MAT1A: variants seen among roughly 807,000 people sequenced by gnomAD.
MAT1A encodes the protein methionine adenosyltransferase 1A, also known as S-adenosylmethionine synthase isoform type-1.
In MAT1A, 19 loss-of-function variants were observed where a neutral mutation model predicts 44.0. The observed-to-expected ratio is 0.43, with a 90% CI of 0.30 to 0.63. The LOEUF is 0.63. Ranked by LOEUF, MAT1A falls within the 30% of genes least tolerant of loss-of-function variation. The pLI, the probability that MAT1A is intolerant of heterozygous loss-of-function variation, is 0.12. For synonymous variants in MAT1A, 205 were observed against 205.6 expected, an observed-to-expected ratio of 1.00 and a Z score of 0.03; for missense variants, 397 against 531.0, an observed-to-expected ratio of 0.75 and a Z score of 2.48.
intron 1 of MAT1A, 37 bp downstream of exon 1, chr10:80,289,296 T>C (rs1244872603): frequency 9.1e-6 from 14 of 1,545,854 alleles, no homozygotes; most frequent in Non-Finnish European, 1.3e-5. Context: ...AGGCTTGGAA[T>C]GATCGTTTTC....
At chr10:80,280,589 C>T (rs969356124) in intron 4 of MAT1A, 91 bp downstream of exon 4, 27 of 1,212,090 alleles carry the variant, frequency 2.2e-5, no homozygotes, top group East Asian at 9.3e-5. Flanking sequence ...CGTGCTAGGA[C>T]AAGAATCCAC....
rs979972755 is a variant in MAT1A, at chr10:80,273,419, C to T, written c.*362G>A. 9 of 339,726 alleles carry T rather than the reference C, an allele frequency of 2.6e-5. No individual in the cohort carries two copies. The highest frequency in any genetic ancestry group is 1.9e-4 in the African/African-American group (9 of 46,604). The allele number at this position is 339,726 out of a possible 1,614,324, so 21.0% of individuals were successfully genotyped here. ...CCTGAGGCCTGTTGAGATGTGCTGA[C>T]CTCACCTGGCACAGGCAAGGGGAGG... is the stretch of plus-strand genomic sequence containing the variant. On this transcript the variant is annotated 3_prime_UTR_variant, in exon 9 of 9. Coordinates refer to ENST00000372213, the MANE Select transcript of MAT1A (RefSeq NM_000429.3).
At chr10:80,287,709 C>G (rs1342202193) in intron 1 of MAT1A, among the ~76,000 whole-genome samples, 1 of 152,182 alleles carries the variant, frequency 6.6e-6, no homozygotes, top group Admixed American at 6.5e-5. Flanking sequence ...TGGAGCTGAT[C>G]AGAATGTGTC....
In MAT1A at chr10:80,273,614, T is replaced by C; in HGVS notation, c.*167A>G. The C allele has an allele frequency of 1.5e-6, 1 of 677,564 alleles. No individual in the cohort carries two copies. Among genetic ancestry groups the C allele is most frequent in the South Asian group, 1.7e-5 (1 of 60,598 alleles). 42.0% of individuals were successfully genotyped at this position (677,564 alleles called of 1,614,324 possible). A position where few individuals can be genotyped will look rare whatever the true frequency, so the allele number is the denominator to read the frequency against. ...CCAACCTCCAGCACCAGGAAGCCCC[T>C]GCCTCCAGCTGGCCATGATGATGAC... On this transcript the variant is annotated 3_prime_UTR_variant, in exon 9 of 9. Transcript: ENST00000372213.
intron 4 of MAT1A, among the ~76,000 whole-genome samples, 174 bp from the exon 5 acceptor site, chr10:80,280,490 G>T (rs936451825): frequency 6.6e-6 from 1 of 152,158 alleles, no homozygotes; most frequent in African/African-American, 2.4e-5. Context: ...CACTCTAGGA[G>T]GGGGAGACAA....
intron 5 of MAT1A, 42 bp downstream of exon 5, chr10:80,280,131 A>T (rs1027111696): frequency 6.2e-7 from 1 of 1,610,720 alleles, no homozygotes; most frequent in Admixed American, 1.7e-5. Context: ...GGGGTATTAA[A>T]GCTTCTGTCT....
chr10:80,279,330 G>C (rs75478799), intron 5 of MAT1A, among the ~76,000 whole-genome samples: 1 of 152,074 alleles, frequency 6.6e-6, no homozygotes, highest in Non-Finnish European at 1.5e-5. Context: ...TGAACAGGAC[G>C]GGGGAAGGGC....
At chr10:80,276,621 A>G in intron 5 of MAT1A, 27 bp from the exon 6 acceptor site, 4 of 1,602,316 alleles carry the variant, frequency 2.5e-6, no homozygotes, top group Non-Finnish European at 2.5e-6. Context: ...TGGGGGAGAT[A>G]CTGTGAGGCT....
Position 80,280,834 on chromosome 10 carries a change from A to G in MAT1A, c.293-42T>C, listed in dbSNP as rs1182217136. The G allele has an allele frequency of 2.1e-6, 3 of 1,449,570 alleles. No homozygotes were observed. In the Admixed American group the frequency reaches 5.0e-5, roughly 24 times the overall value. The allele number at this position is 1,449,570 out of a possible 1,614,324, so 89.8% of individuals were successfully genotyped here. A position where few individuals can be genotyped will look rare whatever the true frequency, so the allele number is the denominator to read the frequency against. On this transcript the variant is annotated intron_variant, in intron 3 of 8. Transcript: ENST00000372213. The stretch of plus-strand genomic sequence containing the variant: ...TGAGCCTAAGTGGGGAACAGGTCAG[A>G]AGGAGGGGGCCACAAACTTCCCAAT...
At position 80,280,137 on chromosome 10, in the gene MAT1A, T is replaced by C. The variant is rs777896764; in HGVS notation, c.549+36A>G. ...GAGGATTTGGGGGTATTAAAGCTTC[T>C]GTCTAGGGCTCTCCTGGGGTAATTC... On this transcript the variant is annotated intron_variant, in intron 5 of 8. Transcript: ENST00000372213. 7.4e-6 allele frequency: 12 copies of C among 1,611,452 alleles called. No homozygotes were observed. In the Middle Eastern group the frequency reaches 4.9e-4, roughly 66 times the overall value.
chr10:80,288,505 A>C (rs117973859), intron 1 of MAT1A, among the ~76,000 whole-genome samples: 5 of 152,302 alleles, frequency 3.3e-5, no homozygotes, highest in Non-Finnish European at 7.4e-5. Flanking sequence ...TCATCAAGGA[A>C]GCTTCTCTCA....
chr10:80,286,562 G>T (rs1307901135), intron 1 of MAT1A, among the ~76,000 whole-genome samples: 2 of 152,168 alleles, frequency 1.3e-5, no homozygotes, highest in Non-Finnish European at 2.9e-5. Flanking sequence ...ACTGACAAGG[G>T]TTCAACATGA....
At chr10:80,277,474 T>C (rs757783784) in intron 5 of MAT1A, among the ~76,000 whole-genome samples, 1 of 152,222 alleles carries the variant, frequency 6.6e-6, no homozygotes, top group Non-Finnish European at 1.5e-5. Context: ...GAAAGAGTCC[T>C]GGCCATGTAA....
At chr10:80,274,082 G>C (rs1056735274) in intron 8 of MAT1A, among the ~76,000 whole-genome samples, 199 bp from the exon 9 acceptor site, 8 of 152,202 alleles carry the variant, frequency 5.3e-5, no homozygotes, top group Non-Finnish European at 1.2e-4. Context: ...CGGATGCTTA[G>C]AGGTTCAGGG....
chr10:80,285,113 T>C lies in MAT1A; in HGVS notation c.169+399A>G, dbSNP rs185284088. ...GTGCAGCCAACAAAGGCTCCTACAA[T>C]GAGGATGCAGCTTATAACCATCTAG... On this transcript the variant is annotated intron_variant, in intron 2 of 8. Coordinates refer to ENST00000372213, the MANE Select transcript of MAT1A (RefSeq NM_000429.3). Among the ~76,000 whole-genome samples the C allele has an allele frequency of 3.3e-3, 499 of 152,288 alleles. 3 individuals carry two copies. The highest frequency in any genetic ancestry group is 0.011 in the African/African-American group (476 of 41,542).
rs1456459077 is a variant in MAT1A at position 80,274,578 on chromosome 10, G to T, written c.1027C>A (p.Arg343=). ...FTYGTSQKTE[R]ELLDVVHKNF... is the part of the protein sequence containing the mutation. ...TTATGCACCACATCCAGCAGCTCTC[G>T]CTCTGTCTTCTGAGAGGTTCCGTAG... is the stretch of plus-strand genomic sequence containing the variant. The change falls in exon 8 of 9, where the codon CGA becomes AGA. Residue 343 remains arginine, a synonymous_variant. Coordinates refer to ENST00000372213, the MANE Select transcript of MAT1A (RefSeq NM_000429.3). The T allele has an allele frequency of 6.2e-7, 1 of 1,614,160 alleles. No homozygotes were observed. The highest frequency in any genetic ancestry group is 8.5e-7 in the Non-Finnish European group (1 of 1,180,028).
intron 6 of MAT1A, chr10:80,275,624 C>A: frequency 3.5e-6 from 1 of 281,788 alleles, no homozygotes; most frequent in South Asian, 4.4e-5. Context: ...ATAGTGATGT[C>A]TTTAAAAGGG....
intron 3 of MAT1A, among the ~76,000 whole-genome samples, chr10:80,282,423 C>A (rs566375794): frequency 1.3e-5 from 2 of 152,244 alleles, no homozygotes; most frequent in Non-Finnish European, 2.9e-5. Context: ...AACTCAGCCA[C>A]GGCTGGGCTC....
intron 3 of MAT1A, 138 bp from the exon 4 acceptor site, chr10:80,280,930 G>GTTA: frequency 1.4e-6 from 1 of 719,684 alleles, no homozygotes; most frequent in Non-Finnish European, 2.5e-6. Flanking sequence ...GGTCTGTCTA[G>GTTA]GCCCACAGCT....
Sources: gnomAD v4.1 joint callset for allele counts (sites outside exome capture counted in the v4.1 genomes callset) on GRCh38, gnomAD v4.1.1 for gene constraint, MANE v1.5 for transcripts, NCBI Gene and HGNC (gene_info 2026-07-23, HGNC 2026-07-21) for gene names.